NRXN3: variants seen among roughly 807,000 people sequenced by gnomAD.
The protein encoded by NRXN3 is neurexin 3.
Under a neutral mutation model 137.6 loss-of-function variants are expected in NRXN3, and 32 were observed. That is an observed-to-expected ratio of 0.23 (90% CI 0.18 to 0.31). The LOEUF (loss-of-function observed/expected upper bound fraction) is 0.31. Among genes scored for constraint, NRXN3 ranks in the 10% least tolerant of loss-of-function variants. The pLI, the probability that NRXN3 is intolerant of heterozygous loss-of-function variation, is 1.00. For missense variants in NRXN3, 1,574 were observed against 2,062.5 expected (o/e 0.76, Z 4.59); for synonymous variants, 798 against 784.5 (o/e 1.02, Z -0.29).
At chr14:79,599,691 T>C (rs2097901779) in intron 16 of NRXN3, among the ~76,000 whole-genome samples, 1 of 152,218 alleles carries the variant, frequency 6.6e-6, no homozygotes, top group Admixed American at 6.5e-5. Flanking sequence ...CTTGGTTGAC[T>C]CTAACAATAA....
chr14:79,158,622 G>A (rs1454953269), intron 15 of NRXN3, among the ~76,000 whole-genome samples: 1 of 151,714 alleles, frequency 6.6e-6, no homozygotes, highest in African/African-American at 2.4e-5. Flanking sequence ...GAAGATGGTG[G>A]CATAATTAAA....
In NRXN3 at chr14:78,988,095, C is replaced by T. The variant is rs2099510781; in HGVS notation, c.3216C>T (p.Thr1072=). ...GCATGCAACAATGGGAGGGCTTCAC[C>T]TGTGATTGTTCTATGACCTCTTATT... is the stretch of plus-strand genomic sequence containing the variant. ...GVCMQQWEGF[T]CDCSMTSYSG... is the part of the protein sequence containing the mutation. Residue 1072 remains threonine, a synonymous_variant, in exon 15 of 21, where the codon ACC becomes ACT. Transcript: ENST00000335750. 1 of 1,613,974 alleles carries T rather than the reference C, an allele frequency of 6.2e-7. No individual in the cohort carries two copies. The highest frequency in any genetic ancestry group is 1.1e-5 in the South Asian group (1 of 91,070).
At chr14:78,844,991 T>C (rs143662621) in intron 10 of NRXN3, among the ~76,000 whole-genome samples, 2,797 of 152,160 alleles carry the variant, frequency 0.018, 38 homozygotes, top group Non-Finnish European at 0.027. Context: ...CTATGTGATG[T>C]CAAATTCTTT....
intron 4 of NRXN3, among the ~76,000 whole-genome samples, chr14:78,550,998 C>A (rs1366314304): frequency 6.6e-6 from 1 of 152,146 alleles, no homozygotes; most frequent in Non-Finnish European, 1.5e-5. Flanking sequence ...CTTGTGTAAG[C>A]TTTTAATCTC....
chr14:79,723,937 C>T (rs541432058), intron 19 of NRXN3, among the ~76,000 whole-genome samples: 1 of 152,256 alleles, frequency 6.6e-6, no homozygotes, highest in African/African-American at 2.4e-5. Context: ...CCTTTCATCT[C>T]AACTGCCTTT....
intron 6 of NRXN3, among the ~76,000 whole-genome samples, chr14:78,702,988 T>C (rs2098303015): frequency 6.6e-6 from 1 of 152,196 alleles, no homozygotes. Flanking sequence ...TTAAATATCG[T>C]GCCCAATGTA....
intron 19 of NRXN3, among the ~76,000 whole-genome samples, chr14:79,703,293 C>T (rs112105702): frequency 4.9e-4 from 74 of 152,202 alleles, no homozygotes; most frequent in African/African-American, 1.5e-3. Context: ...AGACTGGAGA[C>T]AGTAAGAAGC....
chr14:78,817,017 A>AT (rs755678638), intron 10 of NRXN3, among the ~76,000 whole-genome samples: 4 of 152,248 alleles, frequency 2.6e-5, no homozygotes, highest in Non-Finnish European at 5.9e-5. Flanking sequence ...TCATATGTTA[A>AT]TCTTGTTTTG....
chr14:78,659,996 C>T (rs760584467), intron 6 of NRXN3, among the ~76,000 whole-genome samples: 17 of 151,964 alleles, frequency 1.1e-4, no homozygotes, highest in Non-Finnish European at 1.5e-4. Context: ...GAAGAAGGAG[C>T]GAAACCCTCA....
At chr14:78,715,260 G>A in intron 8 of NRXN3, 121 bp downstream of exon 8, 1 of 1,301,210 alleles carries the variant, frequency 7.7e-7, no homozygotes, top group Non-Finnish European at 1.0e-6. Context: ...AGAGTTTTTG[G>A]GTTTACTGAT....
intron 4 of NRXN3, among the ~76,000 whole-genome samples, chr14:78,610,822 A>G (rs893483081): frequency 6.6e-6 from 1 of 152,226 alleles, no homozygotes; most frequent in African/African-American, 2.4e-5. Context: ...TCGGAACTCC[A>G]CATCCACTCA....
intron 4 of NRXN3, among the ~76,000 whole-genome samples, chr14:78,371,379 C>T (rs894138861): frequency 1.3e-5 from 2 of 152,064 alleles, no homozygotes; most frequent in African/African-American, 4.8e-5. Context: ...GCTCCATCCC[C>T]CTTCCACCTC....
At chr14:78,198,098 C>T (rs17107119) in intron 1 of NRXN3, among the ~76,000 whole-genome samples, 2,824 of 152,330 alleles carry the variant, frequency 0.019, 43 homozygotes, top group South Asian at 0.052. Flanking sequence ...CTGTTGGTCA[C>T]TGTATTGGCA....
chr14:78,470,493 C>G (rs748234970), intron 4 of NRXN3, among the ~76,000 whole-genome samples: 2 of 151,996 alleles, frequency 1.3e-5, no homozygotes, highest in Non-Finnish European at 2.9e-5. Context: ...AGAGATACAC[C>G]TTTCCTTAAA....
At chr14:78,514,275 GAGAA>G (rs1401877957) in intron 4 of NRXN3, among the ~76,000 whole-genome samples, 1 of 152,126 alleles carries the variant, frequency 6.6e-6, no homozygotes, top group Non-Finnish European at 1.5e-5. Flanking sequence ...TAGGAAACTA[GAGAA>G]AGAAAAAGAC....
chr14:78,535,723 G>A (rs141097779), intron 4 of NRXN3, among the ~76,000 whole-genome samples: 1 of 152,210 alleles, frequency 6.6e-6, no homozygotes, highest in African/African-American at 2.4e-5. Context: ...TCTGTATTGT[G>A]TTGGGTAAAG....
chr14:79,277,614 C>T (rs1450773010), intron 15 of NRXN3, among the ~76,000 whole-genome samples: 1 of 152,134 alleles, frequency 6.6e-6, no homozygotes, highest in Admixed American at 6.5e-5. Flanking sequence ...TTTAAACCCC[C>T]AACAACCTCG....
intron 15 of NRXN3, among the ~76,000 whole-genome samples, chr14:79,217,167 AAAG>A (rs1200525362): frequency 2.0e-5 from 3 of 151,802 alleles, no homozygotes; most frequent in African/African-American, 7.3e-5. Flanking sequence ...GAAAGAAAGA[AAAG>A]AGGTTTAATA....
At chr14:78,556,647 G>A (rs1205518900) in intron 4 of NRXN3, among the ~76,000 whole-genome samples, 1 of 152,110 alleles carries the variant, frequency 6.6e-6, no homozygotes, top group African/African-American at 2.4e-5. Context: ...GCTCTCTGGA[G>A]ATTCTTTGCT....
Sources: gnomAD v4.1 joint callset for allele counts (sites outside exome capture counted in the v4.1 genomes callset) on GRCh38, gnomAD v4.1.1 for gene constraint, MANE v1.5 for transcripts, NCBI Gene and HGNC (gene_info 2026-07-23, HGNC 2026-07-21) for gene names.